Variants in SLC9A9 observed in about 807,000 individuals in gnomAD.
The protein encoded by SLC9A9 is sodium/hydrogen exchanger 9.
In SLC9A9, 62 loss-of-function variants were observed where a neutral mutation model predicts 77.8. The observed-to-expected ratio is 0.80, with a 90% CI of 0.65 to 0.98. The LOEUF (loss-of-function observed/expected upper bound fraction) is 0.98, where lower values mean the gene tolerates loss of function less well. Among genes scored for constraint, SLC9A9 ranks in the 50% least tolerant of loss-of-function variants. The pLI, the probability that SLC9A9 is intolerant of heterozygous loss-of-function variation, is 0.00. For missense variants in SLC9A9, 775 were observed against 774.9 expected, an observed-to-expected ratio of 1.00 and a Z score of 0.00; for synonymous variants, 320 against 283.5, an observed-to-expected ratio of 1.13 and a Z score of -1.29.
intron 12 of SLC9A9, among the ~76,000 whole-genome samples, chr3:143,433,213 T>C (rs2034557499): frequency 6.6e-6 from 1 of 152,234 alleles, no homozygotes; most frequent in African/African-American, 2.4e-5. Context: ...AACAAAGTTT[T>C]CTTTAGTTTC....
At chr3:143,811,064 C>T (rs769527847) in intron 2 of SLC9A9, among the ~76,000 whole-genome samples, 30 of 152,096 alleles carry the variant, frequency 2.0e-4, no homozygotes, top group African/African-American at 6.3e-4. Context: ...CTGCCTCCCC[C>T]GGGGGCAGTG....
At chr3:143,543,414 G>A (rs1043163405) in intron 9 of SLC9A9, among the ~76,000 whole-genome samples, 2 of 150,002 alleles carry the variant, frequency 1.3e-5, no homozygotes, top group African/African-American at 4.9e-5. Context: ...ATTTTAGATT[G>A]AAGGACTACA....
intron 12 of SLC9A9, among the ~76,000 whole-genome samples, chr3:143,401,833 C>G (rs774816957): frequency 6.6e-6 from 1 of 152,120 alleles, no homozygotes; most frequent in Non-Finnish European, 1.5e-5. Context: ...GAACAGAATC[C>G]ACTTATGATG....
chr3:143,495,929 T>C (rs375182725), intron 9 of SLC9A9, among the ~76,000 whole-genome samples: 2 of 152,290 alleles, frequency 1.3e-5, no homozygotes, highest in South Asian at 2.1e-4. Flanking sequence ...GGGACAAAGT[T>C]GGAAAACTTG....
chr3:143,391,427 C>T (rs1322952986), intron 12 of SLC9A9, among the ~76,000 whole-genome samples: 3 of 152,206 alleles, frequency 2.0e-5, no homozygotes, highest in Non-Finnish European at 2.9e-5. Flanking sequence ...ACAAAAAGGA[C>T]ATCCACACCA....
At chr3:143,667,281 T>C (rs1377748047) in intron 5 of SLC9A9, among the ~76,000 whole-genome samples, 1 of 152,198 alleles carries the variant, frequency 6.6e-6, no homozygotes, top group Non-Finnish European at 1.5e-5. Flanking sequence ...TAGCCATATG[T>C]AGAAAGCTGA....
At chr3:143,637,740 A>G (rs1294521011) in intron 6 of SLC9A9, among the ~76,000 whole-genome samples, 2 of 152,176 alleles carry the variant, frequency 1.3e-5, no homozygotes, top group Non-Finnish European at 2.9e-5. Flanking sequence ...ATCTTGATGA[A>G]ATGAGAAAAC....
rs575934920 is a variant in SLC9A9, at chr3:143,368,375, G to T, written c.1525-4812C>A. Among the ~76,000 whole-genome samples, 55 of 152,288 alleles carry T rather than the reference G, an allele frequency of 3.6e-4. No homozygotes were observed. The South Asian group carries it at 0.011, about 31-fold the overall frequency. Reference sequence around the variant, plus strand: ...CCAAAGCAAGAAGGGATTGTTTATTGTATTAACTTTGATGAAAAAGAACTA... The same window carrying T: ...CCAAAGCAAGAAGGGATTGTTTATTTTATTAACTTTGATGAAAAAGAACTA... On this transcript the variant is annotated intron_variant, in intron 13 of 15. Coordinates refer to ENST00000316549, the MANE Select transcript of SLC9A9 (RefSeq NM_173653.4).
intron 1 of SLC9A9, chr3:143,847,793 C>A: frequency 3.4e-6 from 1 of 297,872 alleles, no homozygotes; most frequent in Non-Finnish European, 6.5e-6. Flanking sequence ...ATCGGTGCAG[C>A]CAGTGAGAGA....
chr3:143,677,258 T>C (rs1376242085), intron 5 of SLC9A9, among the ~76,000 whole-genome samples: 1 of 152,188 alleles, frequency 6.6e-6, no homozygotes, highest in African/African-American at 2.4e-5. Context: ...GGGGGTTATC[T>C]ACACATAAAT....
chr3:143,644,337 C>T lies in SLC9A9; in HGVS notation c.755+7918G>A, dbSNP rs115042927. Among the ~76,000 whole-genome samples the T allele has an allele frequency of 7.5e-3, 1,137 of 152,322 alleles. 16 individuals are homozygous for T. The highest frequency in any genetic ancestry group is 0.026 in the African/African-American group (1,069 of 41,552). On this transcript the variant is annotated intron_variant, in intron 6 of 15. Transcript: ENST00000316549. ...TTATTTTTGGTAGGCCAATTTGTCA[C>T]GCATGACTTGACACGAGCAAAGCAA...
At chr3:143,546,630 C>G (rs1305028758) in intron 9 of SLC9A9, among the ~76,000 whole-genome samples, 2 of 152,244 alleles carry the variant, frequency 1.3e-5, no homozygotes, top group South Asian at 2.1e-4. Context: ...TTGGTGCTAT[C>G]CCATCTACTA....
intron 9 of SLC9A9, among the ~76,000 whole-genome samples, chr3:143,537,015 A>G (rs1559957919): frequency 2.0e-5 from 3 of 152,136 alleles, no homozygotes; most frequent in Non-Finnish European, 4.4e-5. Flanking sequence ...TAAACTCTCT[A>G]GAGTCCCAAG....
chr3:143,605,260 A>G (rs559280139), intron 6 of SLC9A9, among the ~76,000 whole-genome samples: 6 of 152,162 alleles, frequency 3.9e-5, no homozygotes, highest in Non-Finnish European at 7.3e-5. Flanking sequence ...CCCTTTACAC[A>G]TTTGGTAGGA....
chr3:143,632,827 G>C (rs1450533227), intron 6 of SLC9A9, among the ~76,000 whole-genome samples: 4 of 152,156 alleles, frequency 2.6e-5, no homozygotes, highest in Non-Finnish European at 5.9e-5. Flanking sequence ...TTGGGAGATG[G>C]ATGTAACTGT....
chr3:143,415,246 A>G (rs1024760724), intron 12 of SLC9A9, among the ~76,000 whole-genome samples: 13 of 152,228 alleles, frequency 8.5e-5, no homozygotes, highest in African/African-American at 3.1e-4. Flanking sequence ...AGATCTAGTT[A>G]AAATCATTGA....
intron 5 of SLC9A9, among the ~76,000 whole-genome samples, chr3:143,690,079 T>G (rs1025134493): frequency 1.3e-5 from 2 of 151,998 alleles, no homozygotes; most frequent in Non-Finnish European, 2.9e-5. Flanking sequence ...GGAATAATTT[T>G]TAACTGTACA....
chr3:143,438,343 C>T (rs1356452406), intron 12 of SLC9A9, among the ~76,000 whole-genome samples: 1 of 152,184 alleles, frequency 6.6e-6, no homozygotes, highest in Non-Finnish European at 1.5e-5. Flanking sequence ...GCAGCATAGG[C>T]TTATGTGGGA....
At chr3:143,329,588 C>T (rs1464742592) in intron 14 of SLC9A9, among the ~76,000 whole-genome samples, 1 of 152,206 alleles carries the variant, frequency 6.6e-6, no homozygotes, top group East Asian at 1.9e-4. Flanking sequence ...GCCTCCTGCG[C>T]GTGCTGCTCC....
Sources: gnomAD v4.1 joint callset for allele counts (sites outside exome capture counted in the v4.1 genomes callset) on GRCh38, gnomAD v4.1.1 for gene constraint, MANE v1.5 for transcripts, NCBI Gene and HGNC (gene_info 2026-07-23, HGNC 2026-07-21) for gene names.